Variants in AGBL3 observed in about 807,000 individuals in gnomAD.
AGBL3 encodes cytosolic carboxypeptidase 3.
A neutral mutation model predicts 94.5 loss-of-function variants in AGBL3; 68 were observed. That is an observed-to-expected ratio of 0.72 (90% CI 0.59 to 0.88). The LOEUF is 0.88. AGBL3 is among the 40% of genes least tolerant of loss of function. AGBL3 has a pLI of 0.00. For synonymous variants in AGBL3, 354 were observed against 370.7 expected, an observed-to-expected ratio of 0.95 and a Z score of 0.52; for missense variants, 934 against 1,103.8, an observed-to-expected ratio of 0.85 and a Z score of 2.18.
At chr7:135,123,713 GC>G (rs1180650872) in intron 16 of AGBL3, among the ~76,000 whole-genome samples, 1 of 152,138 alleles carries the variant, frequency 6.6e-6, no homozygotes, top group Non-Finnish European at 1.5e-5. Context: ...AACTCTACAA[GC>G]CAGAAAAGAT....
chr7:135,099,078 GAAT>G (rs1448498612), intron 15 of AGBL3, among the ~76,000 whole-genome samples: 3 of 151,924 alleles, frequency 2.0e-5, no homozygotes, highest in Non-Finnish European at 2.9e-5. Flanking sequence ...AAATAATATA[GAAT>G]AATAAAAATG....
intron 15 of AGBL3, among the ~76,000 whole-genome samples, chr7:135,105,556 A>C (rs1301326036): frequency 6.6e-6 from 1 of 152,058 alleles, no homozygotes; most frequent in East Asian, 1.9e-4. Flanking sequence ...GTGCAGCCTT[A>C]TTTCTGGGCT....
chr7:134,988,301 C>T, intron 2 of AGBL3: 1 of 261,518 alleles, frequency 3.8e-6, no homozygotes, highest in Non-Finnish European at 7.3e-6. Context: ...TTGATGTCCA[C>T]TTATTTTCTT....
intron 15 of AGBL3, among the ~76,000 whole-genome samples, chr7:135,102,605 C>T (rs1824012153): frequency 2.5e-5 from 1 of 40,730 alleles, no homozygotes; most frequent in Non-Finnish European, 6.4e-5. Flanking sequence ...TATGAGAGAA[C>T]TTTGGTCCTT....
In AGBL3 at chr7:135,002,344, C is replaced by T. The variant is rs974207122; in HGVS notation, c.310+8666C>T. Among the ~76,000 whole-genome samples, 6 of 152,120 alleles carry T rather than the reference C, an allele frequency of 3.9e-5. 1 individual carries two copies. The highest frequency in any genetic ancestry group is 3.3e-4 in the Admixed American group (5 of 15,268). On this transcript the variant is annotated intron_variant, in intron 4 of 16. Coordinates refer to ENST00000436302, the MANE Select transcript of AGBL3 (RefSeq NM_178563.4). ...GGTGGAGTTTTATAGACAGCACTTA[C>T]TTCCTCCAGTCATGATGTGAGATAA... is the stretch of plus-strand genomic sequence containing the variant.
chr7:135,113,216 T>C (rs1281786177), intron 15 of AGBL3, among the ~76,000 whole-genome samples: 5 of 151,874 alleles, frequency 3.3e-5, no homozygotes, highest in Admixed American at 3.3e-4. Context: ...ATGTGTGCTT[T>C]ATTTATCTTT....
Position 135,044,146 on chromosome 7 carries a change from C to G in AGBL3, c.1622C>G (p.Thr541Ser). The G allele has an allele frequency of 1.3e-6, 2 of 1,549,436 alleles. No individual in the cohort carries two copies. Among genetic ancestry groups the G allele is most frequent in the Non-Finnish European group, 1.7e-6 (2 of 1,145,528 alleles). The part of the protein sequence containing the change: ...FTMEATFCGS[T>S]LGNKRGTHFS... ...ATGGAGGCCACCTTCTGTGGATCTA[C>G]TCTGGGTAAGACCAAGGGTTCTCAT... Residue 541 changes from threonine (T) to serine (S), a missense_variant, in exon 9 of 17, where the codon ACT becomes AGT. By Grantham distance (58) the Thr-to-Ser change is moderately conservative. Coordinates refer to ENST00000436302, the MANE Select transcript of AGBL3 (RefSeq NM_178563.4).
chr7:135,021,473 T>A (rs1167020826), intron 5 of AGBL3, among the ~76,000 whole-genome samples: 1 of 151,810 alleles, frequency 6.6e-6, no homozygotes, highest in African/African-American at 2.4e-5. Flanking sequence ...TTTGTATTTT[T>A]AGTAGAGACG....
intron 4 of AGBL3, 137 bp from the exon 5 acceptor site, chr7:135,016,915 C>T (rs1054503906): frequency 3.3e-5 from 21 of 635,378 alleles, no homozygotes; most frequent in Admixed American, 2.8e-4. Context: ...TCCAATGAAC[C>T]CTTAGTAAAA....
intron 7 of AGBL3, among the ~76,000 whole-genome samples, chr7:135,037,145 C>T (rs1411879004): frequency 1.3e-5 from 2 of 152,152 alleles, no homozygotes; most frequent in African/African-American, 4.8e-5. Flanking sequence ...GTCTCGAACC[C>T]CTGACCTCAG....
chr7:135,052,389 G>A (rs1817957017), intron 11 of AGBL3, among the ~76,000 whole-genome samples: 1 of 152,120 alleles, frequency 6.6e-6, no homozygotes, highest in African/African-American at 2.4e-5. Context: ...CTCTACTGAT[G>A]GAACATTTGA....
chr7:135,050,711 CTGATA>C (rs995293706), intron 11 of AGBL3, among the ~76,000 whole-genome samples: 5 of 151,988 alleles, frequency 3.3e-5, no homozygotes, highest in African/African-American at 1.2e-4. Context: ...TCTATTTTAT[CTGATA>C]TAAGTATAGC....
intron 12 of AGBL3, among the ~76,000 whole-genome samples, chr7:135,076,175 A>G (rs966907832): frequency 6.6e-6 from 1 of 152,132 alleles, no homozygotes; most frequent in Non-Finnish European, 1.5e-5. Flanking sequence ...ACTCATCATC[A>G]TGCCACTCTT....
chr7:135,133,471 A>G (rs947864561), intron 16 of AGBL3, among the ~76,000 whole-genome samples: 1 of 152,206 alleles, frequency 6.6e-6, no homozygotes, highest in Non-Finnish European at 1.5e-5. Context: ...AGCAAAAACA[A>G]TTTTGACAAA....
rs182325155 is a variant in AGBL3 at position 135,095,810 on chromosome 7, G to C, written c.2110+14020G>C. 6.7e-3 allele frequency among the ~76,000 whole-genome samples: 1,017 copies of C among 152,256 alleles called. 8 individuals carry two copies. The highest frequency in any genetic ancestry group is 0.011 in the Non-Finnish European group (729 of 68,018). On this transcript the variant is annotated intron_variant, in intron 15 of 16. Transcript: ENST00000436302. ...CAGGGGAGCATCACTCTGAGTGGAC[G>C]GGGGTACTGAAGTGCAACTTAAGTG...
At chr7:135,025,145 T>C (rs1213906968) in intron 5 of AGBL3, among the ~76,000 whole-genome samples, 3 of 151,522 alleles carry the variant, frequency 2.0e-5, no homozygotes, top group African/African-American at 7.2e-5. Flanking sequence ...TTATACAAGA[T>C]GACCATCCTC....
intron 16 of AGBL3, among the ~76,000 whole-genome samples, chr7:135,130,556 CAT>C (rs55979818): frequency 0.48 from 73,345 of 151,386 alleles, 18,096 homozygotes; most frequent in South Asian, 0.65. Flanking sequence ...TCCAGCAACA[CAT>C]GTTTTTATTT....
intron 3 of AGBL3, among the ~76,000 whole-genome samples, chr7:134,989,955 G>A (rs1422968816): frequency 1.3e-5 from 2 of 151,950 alleles, no homozygotes; most frequent in Non-Finnish European, 2.9e-5. Context: ...ATACCCATAG[G>A]CATAGAAATT....
chr7:135,089,582 T>A (rs965227256), intron 15 of AGBL3, among the ~76,000 whole-genome samples: 3 of 152,218 alleles, frequency 2.0e-5, no homozygotes, highest in African/African-American at 7.2e-5. Context: ...TCTGGATAGG[T>A]GCAGTGGTAT....
Sources: gnomAD v4.1 joint callset for allele counts (sites outside exome capture counted in the v4.1 genomes callset) on GRCh38, gnomAD v4.1.1 for gene constraint, MANE v1.5 for transcripts, NCBI Gene and HGNC (gene_info 2026-07-23, HGNC 2026-07-21) for gene names.